Variants in EPB41 observed in about 807,000 individuals in gnomAD.
EPB41 encodes the protein protein 4.1.
Under a neutral mutation model 108.0 loss-of-function variants are expected in EPB41, and 65 were observed. The observed-to-expected ratio is 0.60, with a 90% CI of 0.49 to 0.74. The LOEUF is 0.74. Ranked by LOEUF, EPB41 falls within the 30% of genes least tolerant of loss-of-function variation. The pLI, the probability that EPB41 is intolerant of heterozygous loss-of-function variation, is 0.00. For synonymous variants in EPB41, 336 were observed against 358.9 expected, an observed-to-expected ratio of 0.94 and a Z score of 0.72; for missense variants, 875 against 1,037.0, an observed-to-expected ratio of 0.84 and a Z score of 2.15.
chr1:29,097,915 A>G lies in EPB41; in HGVS notation c.2293A>G (p.Ile765Val), dbSNP rs1356105546. 6.2e-7 allele frequency: 1 copy of G among 1,614,018 alleles called. No homozygotes were observed. The highest frequency in any genetic ancestry group is 2.2e-5 in the East Asian group (1 of 44,882). The change falls in exon 17 of 21, where the codon ATC (isoleucine) becomes GTC (valine). Residue 765 changes from isoleucine to valine, a missense_variant. Ile to Val is a conservative substitution (Grantham distance 29). Around this residue, in one of 3 missense-constraint regions of EPB41, gnomAD observed 519 missense variants for 627.3 expected, o/e 0.83. Transcript: ENST00000343067. ...TATTGTCCACACTGAGACCAAGACC[A>G]TCACTTATGAGGCTGCCCAGGTAGG... The part of the protein sequence containing the change: ...VPIVHTETKT[I>V]TYEAAQTDDN...
chr1:29,072,986 C>T (rs562786508), intron 16 of EPB41: 1 of 152,398 alleles, frequency 6.6e-6, no homozygotes, highest in East Asian at 1.9e-4. Context: ...TGGCACACAC[C>T]TGTAATCCGA....
At chr1:28,990,314 T>TCCTTCCTTCCTC (rs2095982180) in intron 2 of EPB41, among the ~76,000 whole-genome samples, 1 of 128,220 alleles carries the variant, frequency 7.8e-6, no homozygotes, top group Non-Finnish European at 1.7e-5. Context: ...CTTCCTTCCT[T>TCCTTCCTTCCTC]CCTTCCTTCC....
At chr1:29,030,755 G>C (rs1323809421) in intron 8 of EPB41, among the ~76,000 whole-genome samples, 2 of 151,032 alleles carry the variant, frequency 1.3e-5, no homozygotes, top group South Asian at 4.2e-4. Flanking sequence ...CAGCCCTGGC[G>C]ACAGAGCAAG....
intron 8 of EPB41, among the ~76,000 whole-genome samples, chr1:29,030,908 C>T (rs1170962492): frequency 5.9e-5 from 9 of 151,946 alleles, no homozygotes; most frequent in African/African-American, 1.9e-4. Context: ...CTGCAAGCTC[C>T]GCCTCCCAGG....
intron 1 of EPB41, among the ~76,000 whole-genome samples, chr1:28,970,123 T>C (rs2095460493): frequency 6.6e-6 from 1 of 152,206 alleles, no homozygotes; most frequent in Non-Finnish European, 1.5e-5. Flanking sequence ...AAACTGGTAC[T>C]AAATCTTGTC....
intron 16 of EPB41, among the ~76,000 whole-genome samples, chr1:29,076,477 A>G (rs1654114561): frequency 6.6e-6 from 1 of 152,186 alleles, no homozygotes; most frequent in East Asian, 1.9e-4. Flanking sequence ...AGATAGTATC[A>G]GTGTTATATT....
At chr1:28,937,243 C>T (rs1200652958) in intron 1 of EPB41, among the ~76,000 whole-genome samples, 1 of 152,132 alleles carries the variant, frequency 6.6e-6, no homozygotes, top group Non-Finnish European at 1.5e-5. Flanking sequence ...GTACTTTGCT[C>T]ATTTACATTG....
chr1:28,889,817 C>A (rs2089906990), intron 1 of EPB41: 1 of 985,258 alleles, frequency 1.0e-6, no homozygotes, highest in Non-Finnish European at 1.2e-6. Flanking sequence ...CTAAGCCTTT[C>A]TTGAGCACGT....
chr1:28,918,119 C>T (rs1210121472), intron 1 of EPB41, among the ~76,000 whole-genome samples: 2 of 152,146 alleles, frequency 1.3e-5, no homozygotes, highest in African/African-American at 4.8e-5. Flanking sequence ...AGAGGCAGGA[C>T]AGCATAAGTG....
chr1:29,011,122 CAAAA>C (rs71022386), intron 4 of EPB41, among the ~76,000 whole-genome samples: 1 of 113,774 alleles, frequency 8.8e-6, no homozygotes, highest in South Asian at 3.0e-4. Flanking sequence ...GAAACTCTGT[CAAAA>C]AAAAAAAAAA....
intron 1 of EPB41, among the ~76,000 whole-genome samples, chr1:28,947,066 G>C (rs755938700): frequency 6.6e-6 from 1 of 152,210 alleles, no homozygotes; most frequent in Non-Finnish European, 1.5e-5. Flanking sequence ...AATAGCACCA[G>C]ATATGCAAGG....
Position 29,112,189 on chromosome 1 carries a change from C to T in EPB41, c.2416-179C>T, listed in dbSNP as rs111510176. Among the ~76,000 whole-genome samples, 680 of 152,022 alleles carry T rather than the reference C, an allele frequency of 4.5e-3. 4 individuals are homozygous for T. The highest frequency in any genetic ancestry group is 0.015 in the African/African-American group (642 of 41,460). On this transcript the variant is annotated intron_variant, in intron 18 of 20. Transcript: ENST00000343067. ...TTGTTTGTTTGTTTGTTAATAGAGACGAGGTCTCATTATGTTGCCCAGGCT... is the reference window on the plus strand; with the variant it reads ...TTGTTTGTTTGTTTGTTAATAGAGATGAGGTCTCATTATGTTGCCCAGGCT...
rs1242152477 is a variant in EPB41 at position 29,039,242 on chromosome 1, T to C, written c.1464-12T>C. The C allele has an allele frequency of 6.2e-7, 1 of 1,613,142 alleles. No individual in the cohort carries two copies. The highest frequency in any genetic ancestry group is 1.1e-5 in the South Asian group (1 of 91,058). ...ATATATAATAATATGACTATTACGA[T>C]TTTCCCCCCAGATTGACATCTACAG... On this transcript the variant is annotated splice_polypyrimidine_tract_variant and intron_variant, in intron 10 of 20. Coordinates refer to ENST00000343067, the MANE Select transcript of EPB41 (RefSeq NM_001376013.1).
intron 12 of EPB41, among the ~76,000 whole-genome samples, chr1:29,056,188 C>G (rs1165225433): frequency 6.7e-6 from 1 of 149,468 alleles, no homozygotes; most frequent in Admixed American, 6.7e-5. Flanking sequence ...GAGCCGAGAT[C>G]GCGCCGCTGC....
intron 1 of EPB41, among the ~76,000 whole-genome samples, chr1:28,985,484 G>A (rs2095852766): frequency 6.6e-6 from 1 of 152,178 alleles, no homozygotes; most frequent in Non-Finnish European, 1.5e-5. Flanking sequence ...AGTCCTGTAA[G>A]GGTATCTGGG....
At chr1:28,977,083 C>A (rs1218884594) in intron 1 of EPB41, among the ~76,000 whole-genome samples, 24 of 151,360 alleles carry the variant, frequency 1.6e-4, no homozygotes, top group Admixed American at 1.5e-3. Flanking sequence ...AAATTCCTGA[C>A]CTCAGTTGAT....
intron 7 of EPB41, among the ~76,000 whole-genome samples, chr1:29,028,146 G>A (rs1280057472): frequency 6.6e-6 from 1 of 152,170 alleles, no homozygotes; most frequent in Admixed American, 6.5e-5. Flanking sequence ...ATTTTTTAAA[G>A]CATGCTTATT....
intron 17 of EPB41, among the ~76,000 whole-genome samples, chr1:29,101,689 TAAAC>T (rs1665465173): frequency 2.0e-5 from 3 of 151,546 alleles, no homozygotes; most frequent in Non-Finnish European, 4.4e-5. Flanking sequence ...AGTAAATAAA[TAAAC>T]AAATAATGAG....
intron 1 of EPB41, among the ~76,000 whole-genome samples, chr1:28,971,037 AG>A (rs1314469312): frequency 2.0e-5 from 3 of 150,618 alleles, no homozygotes; most frequent in African/African-American, 7.3e-5. Flanking sequence ...CAGTAGAGAG[AG>A]GGTTTCACCA....
Sources: allele counts gnomAD v4.1 joint callset (sites outside exome capture counted in the v4.1 genomes callset), GRCh38; gene constraint gnomAD v4.1.1; regional missense constraint gnomAD v4.1.1; transcripts MANE v1.5; gene names NCBI Gene and HGNC (gene_info 2026-07-23, HGNC 2026-07-21).